The following STIM1 variants were observed in gnomAD, a reference collection of about 807,000 sequenced individuals.
STIM1 encodes stromal interaction molecule 1.
In STIM1, 25 loss-of-function variants were observed where a neutral mutation model predicts 74.7. That is an observed-to-expected ratio of 0.33 (90% CI 0.24 to 0.47). The LOEUF is 0.47. Ranked by LOEUF, STIM1 falls within the 20% of genes least tolerant of loss-of-function variation. The pLI, the probability that STIM1 is intolerant of heterozygous loss-of-function variation, is 1.00. For synonymous variants in STIM1, 328 were observed against 348.8 expected (o/e 0.94, Z 0.66); for missense variants, 728 against 920.8 (o/e 0.79, Z 2.71).
chr11:3,875,505 C>T (rs927349812), intron 1 of STIM1, among the ~76,000 whole-genome samples: 12 of 151,906 alleles, frequency 7.9e-5, no homozygotes, highest in Non-Finnish European at 1.6e-4. Flanking sequence ...GCAGGCAGAT[C>T]GCTTGAGCTC....
intron 1 of STIM1, among the ~76,000 whole-genome samples, chr11:3,887,335 T>G (rs1221508002): frequency 6.6e-6 from 1 of 152,200 alleles, no homozygotes; most frequent in African/African-American, 2.4e-5. Flanking sequence ...CAGCCTGGCC[T>G]TGCACTGGGC....
intron 5 of STIM1, among the ~76,000 whole-genome samples, chr11:4,067,636 T>G (rs1225707691): frequency 6.6e-6 from 1 of 152,230 alleles, no homozygotes; most frequent in African/African-American, 2.4e-5. Context: ...TCTAGCAAGT[T>G]AGTGTCCCTT....
At chr11:4,004,298 A>G (rs1277867350) in intron 2 of STIM1, among the ~76,000 whole-genome samples, 5 of 152,136 alleles carry the variant, frequency 3.3e-5, no homozygotes, top group African/African-American at 9.7e-5. Context: ...AGCCAAAAGA[A>G]CAAAGCTGGA....
chr11:3,900,303 G>A (rs2092314407), intron 1 of STIM1, among the ~76,000 whole-genome samples: 1 of 152,166 alleles, frequency 6.6e-6, no homozygotes, highest in African/African-American at 2.4e-5. Flanking sequence ...CAGTATTGGG[G>A]TGGGAGTGAC....
chr11:3,866,359 CACTT>C (rs1050776376), intron 1 of STIM1, among the ~76,000 whole-genome samples: 2 of 152,016 alleles, frequency 1.3e-5, no homozygotes, highest in African/African-American at 4.8e-5. Context: ...ACTCTGGTAG[CACTT>C]ACTATCTGCA....
At chr11:4,010,806 G>T (rs1341202939) in intron 2 of STIM1, among the ~76,000 whole-genome samples, 2 of 152,084 alleles carry the variant, frequency 1.3e-5, no homozygotes, top group Middle Eastern at 6.8e-3. Context: ...TGCCATGTTG[G>T]TTTACTGCAC....
intron 11 of STIM1, 103 bp downstream of exon 11, chr11:4,084,868 C>G (rs2094484103): frequency 1.1e-6 from 1 of 898,114 alleles, no homozygotes; most frequent in Non-Finnish European, 1.6e-6. Flanking sequence ...ACGCCCCTGC[C>G]TGCTCCCTCT....
chr11:3,932,024 C>T (rs1225861630), intron 1 of STIM1, among the ~76,000 whole-genome samples: 1 of 152,124 alleles, frequency 6.6e-6, no homozygotes, highest in Non-Finnish European at 1.5e-5. Context: ...GATTTTCCTG[C>T]CCGGCCTGTT....
intron 1 of STIM1, among the ~76,000 whole-genome samples, chr11:3,940,051 C>T (rs1247333085): frequency 6.6e-6 from 1 of 152,198 alleles, no homozygotes; most frequent in Non-Finnish European, 1.5e-5. Context: ...ATAGACTTCA[C>T]TATGTGATTT....
At chr11:4,026,464 G>A (rs567340358) in intron 3 of STIM1, among the ~76,000 whole-genome samples, 1 of 152,304 alleles carries the variant, frequency 6.6e-6, no homozygotes, top group East Asian at 1.9e-4. Flanking sequence ...ACCATATGAA[G>A]TATAGATATT....
At chr11:3,962,513 A>G (rs2135717450) in intron 1 of STIM1, among the ~76,000 whole-genome samples, 1 of 152,036 alleles carries the variant, frequency 6.6e-6, no homozygotes, top group Middle Eastern at 3.4e-3. Context: ...TCATCCATTG[A>G]TGGACACTAA....
intron 1 of STIM1, among the ~76,000 whole-genome samples, chr11:3,916,020 T>G (rs940814114): frequency 7.7e-5 from 4 of 51,672 alleles, no homozygotes; most frequent in African/African-American, 3.3e-4. Context: ...ATTGTGCCAC[T>G]GCACTCCAGC....
At chr11:4,068,286 G>T (rs563106212) in intron 5 of STIM1, among the ~76,000 whole-genome samples, 2 of 152,278 alleles carry the variant, frequency 1.3e-5, no homozygotes, top group Admixed American at 1.3e-4. Flanking sequence ...GAAATAACTA[G>T]GCTCAATCTG....
intron 2 of STIM1, among the ~76,000 whole-genome samples, chr11:3,982,635 T>G (rs530658446): frequency 6.6e-6 from 1 of 152,324 alleles, no homozygotes; most frequent in East Asian, 1.9e-4. Context: ...ATTAGCTCAT[T>G]GTTAACCATT....
intron 5 of STIM1, among the ~76,000 whole-genome samples, chr11:4,067,263 C>T (rs2094373641): frequency 6.6e-6 from 1 of 152,228 alleles, no homozygotes; most frequent in Non-Finnish European, 1.5e-5. Flanking sequence ...AACCAGGCTT[C>T]CCAACACATA....
chr11:3,881,678 T>C (rs1287852651), intron 1 of STIM1, among the ~76,000 whole-genome samples: 5 of 150,374 alleles, frequency 3.3e-5, no homozygotes, highest in Non-Finnish European at 7.4e-5. Context: ...GCCGATTATT[T>C]TATTTTTATT....
intron 1 of STIM1, among the ~76,000 whole-genome samples, chr11:3,898,948 G>A (rs974559351): frequency 7.3e-5 from 11 of 151,704 alleles, no homozygotes; most frequent in East Asian, 1.9e-4. Flanking sequence ...GTCAGGTAGC[G>A]TGATGCCTCC....
At chr11:4,004,966 A>G (rs2093762444) in intron 2 of STIM1, among the ~76,000 whole-genome samples, 2 of 152,262 alleles carry the variant, frequency 1.3e-5, no homozygotes, top group Non-Finnish European at 2.9e-5. Flanking sequence ...TATGCAGCCA[A>G]AAAACACATG....
intron 2 of STIM1, among the ~76,000 whole-genome samples, chr11:3,993,190 T>C (rs1420055277): frequency 6.6e-6 from 1 of 152,218 alleles, no homozygotes; most frequent in Non-Finnish European, 1.5e-5. Flanking sequence ...TCCCCACTTA[T>C]TCTGATCTCC....
Sources: gnomAD v4.1 joint callset for allele counts (sites outside exome capture counted in the v4.1 genomes callset) on GRCh38, gnomAD v4.1.1 for gene constraint, MANE v1.5 for transcripts, NCBI Gene and HGNC (gene_info 2026-07-23, HGNC 2026-07-21) for gene names.